NF1: variants seen among roughly 807,000 people sequenced by gnomAD.
NF1 encodes the protein neurofibromin 1.
A neutral mutation model predicts 325.7 loss-of-function variants in NF1; 122 were observed. The ratio of observed to expected loss-of-function variants is 0.37; its 90% CI spans 0.32 to 0.44. NF1 has a LOEUF of 0.44. NF1 is among the 20% of genes least tolerant of loss of function. NF1 has a pLI of 1.00. For synonymous variants in NF1, 1,091 were observed against 1,186.0 expected (o/e 0.92, Z 1.65); for missense variants, 2,140 against 3,415.4 (o/e 0.63, Z 9.31).
chr17:31,118,343 C>T (rs1597580638), intron 1 of NF1, among the ~76,000 whole-genome samples: 1 of 151,318 alleles, frequency 6.6e-6, no homozygotes, highest in Non-Finnish European at 1.5e-5. Flanking sequence ...GCAGAATGTG[C>T]AGGTTTGTTA....
At chr17:31,245,820 C>G (rs2067379838) in intron 29 of NF1, among the ~76,000 whole-genome samples, 1 of 152,262 alleles carries the variant, frequency 6.6e-6, no homozygotes, top group Non-Finnish European at 1.5e-5. Context: ...TTGATTAAAT[C>G]ATGGGTCATT....
intron 48 of NF1, among the ~76,000 whole-genome samples, chr17:31,345,218 G>T (rs1034946546): frequency 6.6e-6 from 1 of 152,194 alleles, no homozygotes. Flanking sequence ...GCTGGCCAAA[G>T]ATCAAATTTA....
chr17:31,184,858 G>A (rs900788338), intron 8 of NF1, among the ~76,000 whole-genome samples: 1 of 152,026 alleles, frequency 6.6e-6, no homozygotes, highest in Non-Finnish European at 1.5e-5. Flanking sequence ...TGCAACAAAA[G>A]GTGCATGTAC....
intron 13 of NF1, 43 bp downstream of exon 13, chr17:31,214,628 G>A (rs2143961416): frequency 1.3e-6 from 2 of 1,598,336 alleles, no homozygotes; most frequent in East Asian, 2.2e-5. Flanking sequence ...ATCACACTAA[G>A]TTAATTGGGT....
intron 30 of NF1, 82 bp from the exon 31 acceptor site, chr17:31,252,856 A>T: frequency 8.8e-7 from 1 of 1,138,856 alleles, no homozygotes; most frequent in Non-Finnish European, 1.3e-6. Context: ...TTATGGTGTA[A>T]TTTTATGTAC....
intron 36 of NF1, among the ~76,000 whole-genome samples, chr17:31,308,419 G>A (rs1296326973): frequency 2.0e-5 from 3 of 152,094 alleles, no homozygotes; most frequent in Non-Finnish European, 4.4e-5. Context: ...GGGATTACAG[G>A]CATGAGCCAC....
rs770797478 is a variant in NF1 at position 31,337,888 on chromosome 17, C to T, written c.6704+8C>T. ...GACAGAACTAGCTCAAAGGTATGTC[C>T]TAAATTAAATATAAGTTGTAAAAAT... On this transcript the variant is annotated splice_region_variant and intron_variant, in intron 44 of 57. Transcript: ENST00000358273. The T allele has an allele frequency of 6.2e-7, 1 of 1,612,382 alleles. No individual in the cohort carries two copies. The highest frequency in any genetic ancestry group is 8.5e-7 in the Non-Finnish European group (1 of 1,178,722).
intron 36 of NF1, among the ~76,000 whole-genome samples, chr17:31,265,882 C>G (rs1196021533): frequency 6.6e-6 from 1 of 152,088 alleles, no homozygotes; most frequent in African/African-American, 2.4e-5. Flanking sequence ...CCTAGAAAGC[C>G]TTTCTGGAAA....
intron 29 of NF1, among the ~76,000 whole-genome samples, chr17:31,247,929 G>A (rs566314101): frequency 8.5e-5 from 13 of 152,302 alleles, no homozygotes; most frequent in African/African-American, 1.4e-4. Flanking sequence ...TCAGCCGGGC[G>A]TGGTGGCTTA....
At chr17:31,160,012 GA>G (rs992456513) in intron 3 of NF1, among the ~76,000 whole-genome samples, 6 of 150,844 alleles carry the variant, frequency 4.0e-5, no homozygotes, top group Non-Finnish European at 5.9e-5. Context: ...GTAGGGCATT[GA>G]AAAAAAAATT....
At position 31,375,806 on chromosome 17, in the gene NF1, A is replaced by G. The variant is rs1452860557; in HGVS notation, c.*1651A>G. ...GTAACAATGTAATATGTTAATGTAA[A>G]TAAAATTGGTTTTGATACTCAGAAA... On this transcript the variant is annotated 3_prime_UTR_variant, in exon 58 of 58. Coordinates refer to ENST00000358273, the MANE Select transcript of NF1 (RefSeq NM_001042492.3). 4.3e-6 allele frequency: 1 copy of G among 232,378 alleles called. No homozygotes were observed. Among genetic ancestry groups the G allele is most frequent in the Non-Finnish European group, 8.5e-6 (1 of 117,374 alleles). 14.4% of individuals were successfully genotyped at this position (232,378 alleles called of 1,614,324 possible).
intron 1 of NF1, among the ~76,000 whole-genome samples, chr17:31,125,517 T>G (rs1054007999): frequency 2.0e-5 from 3 of 152,088 alleles, no homozygotes; most frequent in African/African-American, 7.2e-5. Flanking sequence ...TGCCAAATTT[T>G]TCTAATTTTT....
At chr17:31,195,389 A>G (rs1357608758) in intron 8 of NF1, among the ~76,000 whole-genome samples, 1 of 152,136 alleles carries the variant, frequency 6.6e-6, no homozygotes, top group Non-Finnish European at 1.5e-5. Context: ...GTATGCGGTA[A>G]AATGCACGTA....
chr17:31,370,806 A>G (rs550544491), intron 57 of NF1, among the ~76,000 whole-genome samples: 3 of 152,278 alleles, frequency 2.0e-5, no homozygotes, highest in Admixed American at 1.3e-4. Flanking sequence ...GTGGTCATCC[A>G]TGCTTCATGC....
intron 36 of NF1, among the ~76,000 whole-genome samples, chr17:31,292,021 A>T (rs2068353057): frequency 6.6e-6 from 1 of 152,214 alleles, no homozygotes; most frequent in South Asian, 2.1e-4. Flanking sequence ...GACACTGTGA[A>T]GGGTTTATGT....
chr17:31,290,391 T>G (rs188904501), intron 36 of NF1, among the ~76,000 whole-genome samples: 4 of 152,342 alleles, frequency 2.6e-5, no homozygotes, highest in Admixed American at 2.0e-4. Flanking sequence ...TTATTGAGTC[T>G]TTTCCTTTCC....
chr17:31,233,305 T>C, intron 27 of NF1, 92 bp downstream of exon 27: 2 of 1,252,372 alleles, frequency 1.6e-6, no homozygotes, highest in South Asian at 1.2e-5. Context: ...GTTGAATGAA[T>C]TGATAAAATT....
rs864622373 is a variant in NF1, at chr17:31,326,239, A to G, written c.5255A>G (p.Lys1752Arg). ...CTCAAGCTAGCTCACAAAGACACCA[A>G]AGTTTCTATTAAAGTAAGTTCCAGT... ...NALKLAHKDT[K>R]VSIKVGSTAV... Residue 1752 changes from lysine (K) to arginine (R), a missense_variant, in exon 37 of 58, where the codon AAA (lysine) becomes AGA (arginine). Lys to Arg is a conservative substitution (Grantham distance 26). Around this residue, in one of 10 missense-constraint regions of NF1, gnomAD observed 147 missense variants for 186.7 expected, o/e 0.79. Coordinates refer to ENST00000358273, the MANE Select transcript of NF1 (RefSeq NM_001042492.3). 5.6e-6 allele frequency: 9 copies of G among 1,608,940 alleles called. No individual in the cohort carries two copies. In the African/African-American group the frequency reaches 1.2e-4, roughly 21 times the overall value.
chr17:31,186,705 C>T (rs2066245935), intron 8 of NF1, among the ~76,000 whole-genome samples: 1 of 152,202 alleles, frequency 6.6e-6, no homozygotes, highest in Admixed American at 6.5e-5. Context: ...AAGTGGATAG[C>T]GTGACCTGTT....
Sources: allele counts gnomAD v4.1 joint callset (sites outside exome capture counted in the v4.1 genomes callset), GRCh38; gene constraint gnomAD v4.1.1; regional missense constraint gnomAD v4.1.1; transcripts MANE v1.5; gene names NCBI Gene and HGNC (gene_info 2026-07-23, HGNC 2026-07-21).